The following ALK variants were observed in gnomAD, a reference collection of about 807,000 sequenced individuals.
The protein encoded by ALK is ALK tyrosine kinase receptor.
ALK carries 74 observed loss-of-function variants against 163.1 expected under a neutral mutation model. That is an observed-to-expected ratio of 0.45 (90% CI 0.38 to 0.55). The LOEUF (loss-of-function observed/expected upper bound fraction) is 0.55, where lower values mean the gene tolerates loss of function less well. Ranked by LOEUF, ALK falls within the 20% of genes least tolerant of loss-of-function variation. ALK has a pLI of 0.00. For missense variants in ALK, 2,063 were observed against 2,105.3 expected (o/e 0.98, Z 0.39); for synonymous variants, 960 against 843.2 (o/e 1.14, Z -2.40).
At chr2:29,348,351 C>G (rs1180771599) in intron 5 of ALK, among the ~76,000 whole-genome samples, 6 of 152,166 alleles carry the variant, frequency 3.9e-5, no homozygotes, top group African/African-American at 1.4e-4. Context: ...AGCACAATTA[C>G]CATAATAATA....
intron 3 of ALK, among the ~76,000 whole-genome samples, chr2:29,675,965 A>G (rs1357950352): frequency 6.6e-6 from 1 of 152,024 alleles, no homozygotes; most frequent in African/African-American, 2.4e-5. Context: ...GCATGAAGCA[A>G]TCCTCCTGCA....
At chr2:29,205,724 G>T (rs567001998) in intron 26 of ALK, among the ~76,000 whole-genome samples, 5 of 152,032 alleles carry the variant, frequency 3.3e-5, no homozygotes, top group Non-Finnish European at 7.4e-5. Flanking sequence ...GGATACTTGC[G>T]ATGGCATTTA....
chr2:29,242,244 A>G (rs1467855653), intron 12 of ALK, among the ~76,000 whole-genome samples: 2 of 152,176 alleles, frequency 1.3e-5, no homozygotes. Flanking sequence ...GTCAGGCTGC[A>G]TAAAAAAGTC....
At position 29,232,288 on chromosome 2, in the gene ALK, G is replaced by A. The variant is rs200835934; in HGVS notation, c.2632+16C>T. On this transcript the variant is annotated intron_variant, in intron 15 of 28. Coordinates refer to ENST00000389048, the MANE Select transcript of ALK (RefSeq NM_004304.5). Reference sequence around the variant, plus strand: ...TGGGAGAGGTTCTGGGAGAGGGCACGCTTGCAGCGCTTTACCTGCGGCTCC... The same window carrying A: ...TGGGAGAGGTTCTGGGAGAGGGCACACTTGCAGCGCTTTACCTGCGGCTCC... 8.4e-5 allele frequency: 135 copies of A among 1,614,090 alleles called. 1 individual carries two copies. The African/African-American group carries it at 1.3e-3, about 16-fold the overall frequency.
intron 1 of ALK, among the ~76,000 whole-genome samples, chr2:29,749,168 T>G (rs2148329770): frequency 6.6e-6 from 1 of 152,210 alleles, no homozygotes; most frequent in Middle Eastern, 3.4e-3. Context: ...TTATTAAAGC[T>G]CAAAGAGCTG....
At chr2:29,684,741 G>A (rs1678186745) in intron 3 of ALK, among the ~76,000 whole-genome samples, 1 of 152,218 alleles carries the variant, frequency 6.6e-6, no homozygotes, top group Non-Finnish European at 1.5e-5. Context: ...TCTAATGAGG[G>A]TGAGTCTTCT....
At chr2:29,539,636 T>TA (rs1264452380) in intron 3 of ALK, among the ~76,000 whole-genome samples, 2 of 136,224 alleles carry the variant, frequency 1.5e-5, no homozygotes, top group African/African-American at 5.2e-5. Context: ...TTCGACTAGG[T>TA]AAAAAAAGTT....
At chr2:29,847,095 C>A (rs1665864312) in intron 1 of ALK, among the ~76,000 whole-genome samples, 1 of 152,202 alleles carries the variant, frequency 6.6e-6, no homozygotes, top group Non-Finnish European at 1.5e-5. Context: ...AGAGAGGAAT[C>A]TCACTGTGGG....
chr2:29,747,406 G>A (rs1680232256), intron 1 of ALK, among the ~76,000 whole-genome samples: 1 of 152,220 alleles, frequency 6.6e-6, no homozygotes, highest in Non-Finnish European at 1.5e-5. Context: ...ATGAATGAAT[G>A]AGTTTACTCA....
intron 3 of ALK, among the ~76,000 whole-genome samples, chr2:29,582,982 C>T (rs1429704397): frequency 6.6e-6 from 1 of 151,674 alleles, no homozygotes; most frequent in Non-Finnish European, 1.5e-5. Context: ...CCTGCCTCAG[C>T]CTCCCAAGTA....
intron 4 of ALK, among the ~76,000 whole-genome samples, chr2:29,485,613 G>T (rs185493287): frequency 6.6e-6 from 1 of 152,206 alleles, no homozygotes. Flanking sequence ...TTCTTTCTTG[G>T]CAGGGTTTTA....
At chr2:29,336,052 A>AAAC (rs777599587) in intron 5 of ALK, among the ~76,000 whole-genome samples, 52 of 152,104 alleles carry the variant, frequency 3.4e-4, no homozygotes, top group African/African-American at 2.4e-4. Context: ...ACAAACAAAC[A>AAAC]AACAACAACA....
intron 22 of ALK, among the ~76,000 whole-genome samples, chr2:29,221,402 A>T (rs1669801280): frequency 6.6e-6 from 1 of 152,110 alleles, no homozygotes; most frequent in African/African-American, 2.4e-5. Context: ...GGGCCTAGGA[A>T]TTCCACATGG....
rs182061874 is a variant in ALK at position 29,873,649 on chromosome 2, G to T, written c.667+46344C>A. The stretch of plus-strand genomic sequence containing the variant: ...ATTCTAGGAAGAGAATTGAGCATCT[G>T]GAGTCAAAGTCAGTCTTAAACGAAG... On this transcript the variant is annotated intron_variant, in intron 1 of 28. Transcript: ENST00000389048. Among the ~76,000 whole-genome samples the T allele has an allele frequency of 2.6e-5, 4 of 152,220 alleles. No individual in the cohort carries two copies. In the East Asian group the frequency reaches 7.7e-4, roughly 29 times the overall value.
intron 5 of ALK, among the ~76,000 whole-genome samples, chr2:29,380,586 T>A (rs1668872192): frequency 6.6e-6 from 1 of 151,994 alleles, no homozygotes; most frequent in Non-Finnish European, 1.5e-5. Context: ...GCCTGGCTAA[T>A]TTTTGTTTGT....
At chr2:29,587,613 T>C (rs1369424467) in intron 3 of ALK, among the ~76,000 whole-genome samples, 1 of 152,106 alleles carries the variant, frequency 6.6e-6, no homozygotes, top group Non-Finnish European at 1.5e-5. Flanking sequence ...TTGCATTTGG[T>C]TTTATAGAAA....
intron 3 of ALK, among the ~76,000 whole-genome samples, chr2:29,591,173 T>C (rs189879546): frequency 1.1e-4 from 17 of 150,026 alleles, no homozygotes; most frequent in African/African-American, 3.9e-4. Context: ...GCAAGAATCA[T>C]GGAATAATTT....
rs1060500234 is a variant in ALK at position 29,920,380 on chromosome 2, C to G, written c.280G>C (p.Asp94His). 1 of 1,562,394 alleles carries G rather than the reference C, an allele frequency of 6.4e-7. No homozygotes were observed. Among genetic ancestry groups the G allele is most frequent in the Admixed American group, 1.9e-5 (1 of 52,514 alleles). The change falls in exon 1 of 29, where the codon GAC (aspartate) becomes CAC (histidine). Residue 94 changes from aspartate to histidine, a missense_variant. By Grantham distance (81) the Asp-to-His change is moderately conservative. Transcript: ENST00000389048. ...AGCAACCTGAGCAGCGGGGCGCAGT[C>G]CAGAGCTAGCGAGCCGCGGGCCTCG... is the stretch of plus-strand genomic sequence containing the variant. The part of the protein sequence containing the change: ...RPEARGSLAL[D>H]CAPLLRLLGP...
At chr2:29,432,737 C>CTT (rs796207262) in intron 4 of ALK, among the ~76,000 whole-genome samples, 13,092 of 140,740 alleles carry the variant, frequency 0.093, 794 homozygotes, top group Non-Finnish European at 0.14. Flanking sequence ...TAGCCTTTTC[C>CTT]TTTTTTTTTT....
Sources: gnomAD v4.1 joint callset for allele counts (sites outside exome capture counted in the v4.1 genomes callset) on GRCh38, gnomAD v4.1.1 for gene constraint, MANE v1.5 for transcripts, NCBI Gene and HGNC (gene_info 2026-07-23, HGNC 2026-07-21) for gene names.